Variants in SLC25A43 observed in about 807,000 individuals in gnomAD.
SLC25A43 encodes solute carrier family 25, member 43.
SLC25A43 carries 10 observed loss-of-function variants against 22.8 expected under a neutral mutation model. That is an observed-to-expected ratio of 0.44 (90% CI 0.27 to 0.74). The LOEUF (loss-of-function observed/expected upper bound fraction) is 0.74, where lower values mean the gene tolerates loss of function less well. Among genes scored for constraint, SLC25A43 ranks in the 30% least tolerant of loss-of-function variants. The probability of loss-of-function intolerance (pLI) is 0.17; values close to 1 mark genes in which losing one functional copy is unlikely to be tolerated. For missense variants in SLC25A43, 233 were observed against 279.1 expected (o/e 0.83, Z 1.18); for synonymous variants, 106 against 121.6 (o/e 0.87, Z 0.84).
intron 3 of SLC25A43, among the ~76,000 whole-genome samples, chrX:119,443,740 TTA>T (rs1238832975): frequency 2.3e-4 from 24 of 105,921 alleles, no homozygotes; most frequent in African/African-American, 8.3e-4. Flanking sequence ...ATTTATTTAT[TTA>T]TTTATTTATT....
chrX:119,444,719 A>G (rs55800915), intron 3 of SLC25A43, among the ~76,000 whole-genome samples: 22,232 of 102,339 alleles, frequency 0.22, 2,150 homozygotes, highest in African/African-American at 0.33. Context: ...AAAAAAAAAA[A>G]GAAGAAATTG....
intron 3 of SLC25A43, among the ~76,000 whole-genome samples, chrX:119,450,364 T>G (rs1441256637): frequency 8.9e-6 from 1 of 112,056 alleles, no homozygotes; most frequent in Non-Finnish European, 1.9e-5. Flanking sequence ...AAATGTTTAT[T>G]AAATATCTAC....
intron 3 of SLC25A43, among the ~76,000 whole-genome samples, chrX:119,433,386 T>G (rs891445532): frequency 1.8e-5 from 2 of 111,899 alleles, no homozygotes; most frequent in Non-Finnish European, 3.8e-5. Flanking sequence ...GATTTAAATG[T>G]CAAACTCATC....
At chrX:119,400,296 C>CA (rs1020745486) in intron 1 of SLC25A43, among the ~76,000 whole-genome samples, 23 of 111,155 alleles carry the variant, frequency 2.1e-4, no homozygotes, top group African/African-American at 7.2e-4. Context: ...CGCTTCACCC[C>CA]ACTGGCCTCA....
chrX:119,408,834 C>T (rs953118954), intron 2 of SLC25A43, among the ~76,000 whole-genome samples: 9 of 110,931 alleles, frequency 8.1e-5, no homozygotes, highest in African/African-American at 2.9e-4. Flanking sequence ...GTGTAGGGTG[C>T]CCACTGGGCC....
chrX:119,434,629 C>G (rs2052583588), intron 3 of SLC25A43: 1 of 108,406 alleles, frequency 9.2e-6, no homozygotes, highest in South Asian at 4.2e-4. Flanking sequence ...AATCAGATGT[C>G]CACATTAAGT....
At chrX:119,434,972 G>C (rs1301700539) in intron 3 of SLC25A43, among the ~76,000 whole-genome samples, 1 of 110,360 alleles carries the variant, frequency 9.1e-6, no homozygotes, top group African/African-American at 3.3e-5. Flanking sequence ...CCGAGTAGCT[G>C]GGACTACAGG....
intron 3 of SLC25A43, among the ~76,000 whole-genome samples, chrX:119,450,392 A>G (rs921894709): frequency 8.9e-6 from 1 of 112,197 alleles, no homozygotes; most frequent in Non-Finnish European, 1.9e-5. Context: ...TAAGAATACT[A>G]AGGATACAGA....
chrX:119,428,540 G>A lies in SLC25A43; in HGVS notation c.690+18178G>A, dbSNP rs139952411. Among the ~76,000 whole-genome samples the A allele has an allele frequency of 2.7e-3, 306 of 112,357 alleles. 1 individual carries two copies. The highest frequency in any genetic ancestry group is 9.0e-3 in the African/African-American group (280 of 30,983). On this transcript the variant is annotated intron_variant, in intron 3 of 4. Coordinates refer to ENST00000217909, the MANE Select transcript of SLC25A43 (RefSeq NM_145305.3). ...TTTCATTTATGACATAGTATTCAAC[G>A]GTATGATATACTATTTATTTAACTA... is the stretch of plus-strand genomic sequence containing the variant.
chrX:119,451,104 A>G (rs1264996709), intron 3 of SLC25A43, among the ~76,000 whole-genome samples: 1 of 111,610 alleles, frequency 9.0e-6, no homozygotes, highest in Non-Finnish European at 1.9e-5. Context: ...TGGAGGCTGC[A>G]GTGAGCCGAG....
At chrX:119,406,795 T>C in intron 2 of SLC25A43, 94 bp downstream of exon 2, 2 of 1,026,369 alleles carry the variant, frequency 1.9e-6, no homozygotes, top group Non-Finnish European at 2.6e-6. Context: ...AAATCAGTTT[T>C]ACTGAGATCA....
At chrX:119,449,167 A>G (rs2052687236) in intron 3 of SLC25A43, among the ~76,000 whole-genome samples, 1 of 110,693 alleles carries the variant, frequency 9.0e-6, no homozygotes, top group African/African-American at 3.3e-5. Flanking sequence ...TAATCTCAGC[A>G]CTTTGGGAGG....
chrX:119,422,052 A>G (rs1052924621), intron 3 of SLC25A43, among the ~76,000 whole-genome samples: 2 of 110,948 alleles, frequency 1.8e-5, no homozygotes. Context: ...AGTAGCTGGG[A>G]CTACAGGCAT....
intron 3 of SLC25A43, among the ~76,000 whole-genome samples, chrX:119,417,018 C>T (rs1192991031): frequency 8.9e-6 from 1 of 111,769 alleles, no homozygotes; most frequent in Non-Finnish European, 1.9e-5. Context: ...CACTTTCAGC[C>T]ACTTCATGCC....
At chrX:119,446,151 CAAAAAAA>C (rs3078475) in intron 3 of SLC25A43, among the ~76,000 whole-genome samples, 1 of 38,719 alleles carries the variant, frequency 2.6e-5, no homozygotes, top group African/African-American at 1.0e-4. Flanking sequence ...GACTCCATCT[CAAAAAAA>C]AAAAAAAAAA....
chrX:119,441,308 A>C, intron 3 of SLC25A43, among the ~76,000 whole-genome samples: 1 of 77,337 alleles, frequency 1.3e-5, no homozygotes, highest in African/African-American at 4.9e-5. Context: ...AGGTGAGGCA[A>C]TGCCTCGCCC....
chrX:119,442,198 G>C (rs769612342), intron 3 of SLC25A43, among the ~76,000 whole-genome samples: 2 of 112,670 alleles, frequency 1.8e-5, no homozygotes, highest in South Asian at 7.4e-4. Context: ...GTGGTGCCTT[G>C]GCAGTGCAGG....
At chrX:119,403,998 C>CTT (rs138714378) in intron 1 of SLC25A43, among the ~76,000 whole-genome samples, 1,688 of 85,948 alleles carry the variant, frequency 0.02, 27 homozygotes, top group Middle Eastern at 0.03. Flanking sequence ...GCCTCCAGAA[C>CTT]TTTTTTTTTT....
intron 3 of SLC25A43, among the ~76,000 whole-genome samples, chrX:119,432,230 A>C (rs186752599): frequency 8.1e-4 from 91 of 112,008 alleles, no homozygotes; most frequent in Admixed American, 6.0e-3. Flanking sequence ...TGAACTCAAT[A>C]TGTGATGATA....
Sources: allele counts gnomAD v4.1 joint callset (sites outside exome capture counted in the v4.1 genomes callset), GRCh38; gene constraint gnomAD v4.1.1; transcripts MANE v1.5; gene names NCBI Gene and HGNC (gene_info 2026-07-23, HGNC 2026-07-21).